The following EPHA8 variants were observed in gnomAD, a reference collection of about 807,000 sequenced individuals.
EPHA8 encodes the protein ephrin type-A receptor 8.
A neutral mutation model predicts 103.6 loss-of-function variants in EPHA8; 58 were observed. That is an observed-to-expected ratio of 0.56 (90% CI 0.45 to 0.70). EPHA8 has a LOEUF of 0.70. EPHA8 is among the 30% of genes least tolerant of loss of function. EPHA8 has a pLI of 0.00. For missense variants in EPHA8, 1,304 were observed against 1,395.2 expected (o/e 0.93, Z 1.04); for synonymous variants, 559 against 572.5 (o/e 0.98, Z 0.34).
Position 22,587,040 on chromosome 1 carries a change from G to T in EPHA8, c.979+405G>T, listed in dbSNP as rs140956496. The stretch of plus-strand genomic sequence containing the variant: ...CATCACCATCATCTTTGATGAACTT[G>T]TTGGAACTGCTGAATGCTGAGAGCT... On this transcript the variant is annotated intron_variant, in intron 4 of 16. Transcript: ENST00000166244. 5.2e-5 allele frequency among the ~76,000 whole-genome samples: 8 copies of T among 152,388 alleles called. No homozygotes were observed. In the East Asian group the frequency reaches 1.5e-3, roughly 29 times the overall value.
At chr1:22,595,433 C>G (rs1641491645) in intron 8 of EPHA8, 110 bp downstream of exon 8, 2 of 765,160 alleles carry the variant, frequency 2.6e-6, no homozygotes, top group Non-Finnish European at 4.3e-6. Context: ...GGCTGGCTCA[C>G]TTACAAACAC....
At chr1:22,587,667 G>C (rs3767555) in intron 4 of EPHA8, among the ~76,000 whole-genome samples, 9,006 of 152,300 alleles carry the variant, frequency 0.059, 339 homozygotes, top group South Asian at 0.19. Context: ...TCTTGTGGTA[G>C]GGCAAGAGGC....
rs1164315190 is a variant in EPHA8 at position 22,597,407 on chromosome 1, C to T, written c.1861C>T (p.Arg621Trp). Residue 621 changes from arginine (R) to tryptophan (W), a missense_variant, in exon 10 of 17, where the codon CGG (arginine) becomes TGG (tryptophan). Transcript: ENST00000166244. This position sits in a 1 kb window ranked among gnomAD's most constrained non-coding sequence, Gnocchi z 4.6. ...AEPHTYEEPG[R>W]AGRSFTREIE... ...ACCCCACACCTACGAGGAGCCAGGC[C>T]GGGCGGGCCGCAGTTTCACTCGGGA... The T allele has an allele frequency of 8.7e-6, 14 of 1,613,382 alleles. No homozygotes were observed. The highest frequency in any genetic ancestry group is 1.6e-4 in the Middle Eastern group (1 of 6,082).
In EPHA8 at chr1:22,589,267, C is replaced by G; in HGVS notation, c.1315+61C>G. On this transcript the variant is annotated intron_variant, in intron 5 of 16. Coordinates refer to ENST00000166244, the MANE Select transcript of EPHA8 (RefSeq NM_020526.5). This position sits in a 1 kb window ranked among gnomAD's most constrained non-coding sequence, Gnocchi z 4.3. ...CCCCCAGCTTCCCCTGCCTCAGACC[C>G]ATCCAGGGATCAGAGCTCTGCCGGG... 4 of 1,614,068 alleles carry G rather than the reference C, an allele frequency of 2.5e-6. No individual in the cohort carries two copies. The highest frequency in any genetic ancestry group is 3.4e-6 in the Non-Finnish European group (4 of 1,180,032).
At chr1:22,575,578 G>A (rs1024428284) in intron 2 of EPHA8, among the ~76,000 whole-genome samples, 2 of 152,014 alleles carry the variant, frequency 1.3e-5, no homozygotes, top group South Asian at 2.1e-4. Flanking sequence ...GGTTTATTTC[G>A]GAATCACTGA....
Position 22,586,496 on chromosome 1 carries a change from C to T in EPHA8, c.840C>T (p.Phe280=). The change falls in exon 4 of 17, where the codon TTC becomes TTT. Residue 280 remains phenylalanine, a synonymous_variant. Coordinates refer to ENST00000166244, the MANE Select transcript of EPHA8 (RefSeq NM_020526.5). ...RDACVACELG[F]YKSAPGDQLC... ...CCTCCACAGCCTGTGAGCTGGGCTT[C>T]TACAAGTCAGCCCCTGGGGACCAGC... 1 of 1,613,642 alleles carries T rather than the reference C, an allele frequency of 6.2e-7. No individual in the cohort carries two copies. Among genetic ancestry groups the T allele is most frequent in the East Asian group, 2.2e-5 (1 of 44,870 alleles).
chr1:22,571,852 C>T (rs1322153632), intron 2 of EPHA8, among the ~76,000 whole-genome samples: 2 of 152,018 alleles, frequency 1.3e-5, no homozygotes, highest in African/African-American at 4.8e-5. Context: ...GCCTGGGCAA[C>T]ATAGTGAGAC....
Position 22,601,772 on chromosome 1 carries a change from A to G in EPHA8, c.*31A>G, listed in dbSNP as rs209700. On this transcript the variant is annotated 3_prime_UTR_variant, in exon 17 of 17. Coordinates refer to ENST00000166244, the MANE Select transcript of EPHA8 (RefSeq NM_020526.5). Reference sequence around the variant, plus strand: ...AGCCAGCAGGGCCCAGGCAGCCACCAAGCCCACCCCAGGTCATGCCAGCGG... The same window carrying G: ...AGCCAGCAGGGCCCAGGCAGCCACCGAGCCCACCCCAGGTCATGCCAGCGG... 698,974 of 1,541,850 alleles carry G rather than the reference A, an allele frequency of 0.45. 169,631 individuals are homozygous for G. Among genetic ancestry groups the G allele is most frequent in the African/African-American group, 0.9 (65,639 of 72,940 alleles).
chr1:22,593,408 G>A lies in EPHA8; in HGVS notation c.1398G>A (p.Pro466=), dbSNP rs376945590. Residue 466 remains proline (P), a synonymous_variant, in exon 6 of 17, where the codon CCG becomes CCA. Coordinates refer to ENST00000166244, the MANE Select transcript of EPHA8 (RefSeq NM_020526.5). ...VSLLWQEPEQ[P]NGIILEYEIK... The stretch of plus-strand genomic sequence containing the variant: ...TGCTGTGGCAGGAGCCCGAGCAGCC[G>A]AACGGCATCATCCTGGAGTATGAGA... 66 of 1,596,194 alleles carry A rather than the reference G, an allele frequency of 4.1e-5. 1 individual carries two copies. The Middle Eastern group carries it at 4.9e-4, about 12-fold the overall frequency.
intron 2 of EPHA8, among the ~76,000 whole-genome samples, chr1:22,570,371 C>T (rs540654928): frequency 3.7e-4 from 35 of 95,202 alleles, no homozygotes; most frequent in African/African-American, 1.1e-3. Flanking sequence ...CACACGTGTG[C>T]GCGTACACAC....
At chr1:22,587,464 G>A (rs1288901540) in intron 4 of EPHA8, among the ~76,000 whole-genome samples, 2 of 152,312 alleles carry the variant, frequency 1.3e-5, no homozygotes, top group South Asian at 2.1e-4. Context: ...GCATGTGCAC[G>A]TGCCCTGTGG....
At chr1:22,571,599 C>A (rs1206868109) in intron 2 of EPHA8, among the ~76,000 whole-genome samples, 1 of 152,160 alleles carries the variant, frequency 6.6e-6, no homozygotes, top group Admixed American at 6.5e-5. Context: ...TTCAGGGGGC[C>A]TGGAGACTGG....
In EPHA8 at chr1:22,589,059, A is replaced by G. The variant is rs759101185; in HGVS notation, c.1168A>G (p.Thr390Ala). ...CGGCACCCGCTTTGTGCCCCAGCAG[A>G]CAAGCCTGGTGCAGGCCAGCCTGCT... ...GSGTRFVPQQ[T>A]SLVQASLLVA... Residue 390 changes from threonine to alanine, a missense_variant, in exon 5 of 17, where the codon ACA becomes GCA. Coordinates refer to ENST00000166244, the MANE Select transcript of EPHA8 (RefSeq NM_020526.5). The surrounding 1 kb of genome is among the most constrained non-coding windows in gnomAD (Gnocchi z 4.3). The G allele has an allele frequency of 4.3e-6, 7 of 1,613,050 alleles. No homozygotes were observed. The Admixed American group carries it at 1.0e-4, about 23-fold the overall frequency.
intron 3 of EPHA8, among the ~76,000 whole-genome samples, chr1:22,578,197 TGC>T (rs1352058927): frequency 2.2e-5 from 2 of 90,644 alleles, no homozygotes; most frequent in Non-Finnish European, 4.6e-5. Context: ...TGCATGTGTG[TGC>T]GTGCGAGTGT....
intron 3 of EPHA8, among the ~76,000 whole-genome samples, chr1:22,585,095 A>T (rs1641165609): frequency 6.7e-6 from 1 of 149,214 alleles, no homozygotes; most frequent in Admixed American, 6.6e-5. Context: ...GTCAAAATTA[A>T]TCTTAAAAGA....
chr1:22,578,219 AGTGTGCATGTGT>A (rs1356131301), intron 3 of EPHA8, among the ~76,000 whole-genome samples: 4 of 50,786 alleles, frequency 7.9e-5, no homozygotes, highest in African/African-American at 2.3e-4. Flanking sequence ...TGTGCGTGTG[AGTGTGCATGTGT>A]GTATGTGTGC....
intron 3 of EPHA8, 73 bp from the exon 4 acceptor site, chr1:22,586,407 A>G: frequency 6.5e-7 from 1 of 1,547,414 alleles, no homozygotes; most frequent in Non-Finnish European, 8.8e-7. Flanking sequence ...GCTGTGGGCC[A>G]CAGTGTGAGC....
chr1:22,584,042 G>C (rs1016238791), intron 3 of EPHA8, among the ~76,000 whole-genome samples: 21 of 152,330 alleles, frequency 1.4e-4, no homozygotes, highest in African/African-American at 4.8e-4. Flanking sequence ...AGAAGCAAAT[G>C]GTCTCTGAGA....
At chr1:22,585,394 A>G (rs1251314038) in intron 3 of EPHA8, among the ~76,000 whole-genome samples, 1 of 152,174 alleles carries the variant, frequency 6.6e-6, no homozygotes, top group Non-Finnish European at 1.5e-5. Context: ...CCCTCAACCT[A>G]GGGTATCCCC....
Sources: gnomAD v4.1 joint callset for allele counts (sites outside exome capture counted in the v4.1 genomes callset) on GRCh38, gnomAD v4.1.1 for gene constraint, Gnocchi (gnomAD v3.1) non-coding constraint, MANE v1.5 for transcripts, NCBI Gene and HGNC (gene_info 2026-07-23, HGNC 2026-07-21) for gene names.